The following QRICH2 variants were observed in gnomAD, a reference collection of about 807,000 sequenced individuals.
QRICH2 encodes the protein glutamine rich 2.
A neutral mutation model predicts 168.3 loss-of-function variants in QRICH2; 119 were observed. The ratio of observed to expected loss-of-function variants is 0.71; its 90% CI spans 0.61 to 0.82. The LOEUF is 0.82. Ranked by LOEUF, QRICH2 falls within the 40% of genes least tolerant of loss-of-function variation. The pLI, the probability that QRICH2 is intolerant of heterozygous loss-of-function variation, is 0.00. For missense variants in QRICH2, 2,241 were observed against 2,491.6 expected, an observed-to-expected ratio of 0.90 and a Z score of 2.14; for synonymous variants, 894 against 951.2, an observed-to-expected ratio of 0.94 and a Z score of 1.11.
Position 76,307,412 on chromosome 17 carries a change from G to GGGCGGCCTGGAGGAGGCA in QRICH2, c.534+35_534+52dup. The GGGCGGCCTGGAGGAGGCA allele has an allele frequency of 3.1e-6, 5 of 1,592,076 alleles. No homozygotes were observed. In the South Asian group the frequency reaches 4.4e-5, roughly 14 times the overall value. ...TGGTGGGGACTCGGCTAGGCCTGGA[G>GGGCGGCCTGGAGGAGGCA]GGCGGCCTGGAGGAGGCAGACGGCC... is the stretch of plus-strand genomic sequence containing the variant. On this transcript the variant is annotated intron_variant, in intron 1 of 18. Coordinates refer to ENST00000680821, the MANE Select transcript of QRICH2 (RefSeq NM_001388453.1). This position sits in a 1 kb window ranked among gnomAD's most constrained non-coding sequence, Gnocchi z 5.3.
At chr17:76,289,156 C>T (rs1195918343) in intron 5 of QRICH2, among the ~76,000 whole-genome samples, 1 of 151,668 alleles carries the variant, frequency 6.6e-6, no homozygotes, top group Non-Finnish European at 1.5e-5. Flanking sequence ...TTATTTGGCT[C>T]AGCTGAATCA....
Position 76,292,007 on chromosome 17 carries a change from C to T in QRICH2, c.2720G>A (p.Gly907Asp), listed in dbSNP as rs73352309. The T allele has an allele frequency of 6.7e-4, 1,082 of 1,614,142 alleles. 7 individuals are homozygous for T. The African/African-American group carries it at 0.013, about 19-fold the overall frequency. The change falls in exon 4 of 19, where the codon GGT becomes GAT. Residue 907 changes from glycine to aspartate, a missense_variant. Gly to Asp is a moderately conservative substitution (Grantham distance 94, BLOSUM62 -1). Around this residue, in one of 3 missense-constraint regions of QRICH2, gnomAD observed 2,047 missense variants for 2,303.8 expected, o/e 0.89. Coordinates refer to ENST00000680821, the MANE Select transcript of QRICH2 (RefSeq NM_001388453.1). ...DQPGLVQPGA[G>D]QLGMVQPGIG... ...TCCAGGCTGCACCATACCCAGCTGA[C>T]CTGCACCAGGCTGGACCAAACCAGG...
At chr17:76,283,181 G>A (rs997846536) in intron 7 of QRICH2, among the ~76,000 whole-genome samples, 8 of 152,200 alleles carry the variant, frequency 5.3e-5, no homozygotes, top group African/African-American at 1.4e-4. Context: ...CGAGGGCCCC[G>A]GATGCAGAAG....
Position 76,307,485 on chromosome 17 carries a change from C to G in QRICH2, c.514G>C (p.Glu172Gln). 6.2e-7 allele frequency: 1 copy of G among 1,613,800 alleles called. No homozygotes were observed. The highest frequency in any genetic ancestry group is 8.5e-7 in the Non-Finnish European group (1 of 1,179,836). ...RTGSIMKDAA[E>Q]ELSFARVLLQ... ...CTCACCCTGGCAAAGCTGAGCTCCT[C>G]GGCGGCGTCCTTCATGATACTCCCA... The change falls in exon 1 of 19, where the codon GAG (glutamate) becomes CAG (glutamine). Residue 172 changes from glutamate to glutamine, a missense_variant. Physicochemically the swap from Glu to Gln is conservative, Grantham distance 29. Transcript: ENST00000680821. This position sits in a 1 kb window ranked among gnomAD's most constrained non-coding sequence, Gnocchi z 5.3.
intron 3 of QRICH2, among the ~76,000 whole-genome samples, chr17:76,298,032 G>A (rs1034823338): frequency 6.7e-6 from 1 of 148,678 alleles, no homozygotes; most frequent in African/African-American, 2.6e-5. Context: ...ACCATGCCCG[G>A]CTAATTTTTT....
Position 76,279,144 on chromosome 17 carries a change from T to C in QRICH2, c.4815-2A>G. 1 of 1,610,234 alleles carries C rather than the reference T, an allele frequency of 6.2e-7. No homozygotes were observed. The highest frequency in any genetic ancestry group is 1.1e-5 in the South Asian group (1 of 90,736). On this transcript the variant is annotated splice_acceptor_variant, in intron 13 of 18. Coordinates refer to ENST00000680821, the MANE Select transcript of QRICH2 (RefSeq NM_001388453.1). LOFTEE classifies it high-confidence loss of function. ...CCCGCGGGGGTCACGGGGATGGCACTGGGCAGGGACAGAGGGAGAAGGGGC... is the reference window on the plus strand; with the variant it reads ...CCCGCGGGGGTCACGGGGATGGCACCGGGCAGGGACAGAGGGAGAAGGGGC...
chr17:76,297,598 G>C (rs1268803278), intron 3 of QRICH2, among the ~76,000 whole-genome samples: 2 of 152,136 alleles, frequency 1.3e-5, no homozygotes, highest in Non-Finnish European at 2.9e-5. Context: ...GGCATACAAA[G>C]AGGCAGGAAG....
In QRICH2 at chr17:76,274,193, G is replaced by A; in HGVS notation, c.5550C>T (p.His1850=). 5 of 1,593,580 alleles carry A rather than the reference G, an allele frequency of 3.1e-6. No homozygotes were observed. Among genetic ancestry groups the A allele is most frequent in the Non-Finnish European group, 4.3e-6 (5 of 1,173,302 alleles). ...TTGCCACCGCGGCGGAGCTGGGCGGGTGGGCTGTGTTCGGCTGGGAGAGAC... is the reference window on the plus strand; with the variant it reads ...TTGCCACCGCGGCGGAGCTGGGCGGATGGGCTGTGTTCGGCTGGGAGAGAC... ...EGRLSQPNTA[H]PPSSAAVANR... The change falls in exon 19 of 19, where the codon CAC becomes CAT. Residue 1850 remains histidine (H), a synonymous_variant. Transcript: ENST00000680821.
Position 76,274,077 on chromosome 17 carries a change from G to A in QRICH2, c.*2C>T, listed in dbSNP as rs779146984. 19 of 1,541,732 alleles carry A rather than the reference G, an allele frequency of 1.2e-5. No homozygotes were observed. The highest frequency in any genetic ancestry group is 1.7e-4 in the Middle Eastern group (1 of 5,910). ...CTCCTGAATGTTTATTTACACCTCC[G>A]CTCACTGAGCGGTGCTGGACCGCGG... On this transcript the variant is annotated 3_prime_UTR_variant, in exon 19 of 19. Coordinates refer to ENST00000680821, the MANE Select transcript of QRICH2 (RefSeq NM_001388453.1).
rs779582899 is a variant in QRICH2, at chr17:76,280,962, G to A, written c.4264-9C>T. The A allele has an allele frequency of 6.2e-7, 1 of 1,606,732 alleles. No individual in the cohort carries two copies. Among genetic ancestry groups the A allele is most frequent in the Admixed American group, 1.7e-5 (1 of 60,008 alleles). Reference sequence around the variant, plus strand: ...CCCAGCAGCTCCTCGTCCTGCGGCAGGAGGGATGGGAAGGCTCTCGGAGGC... The same window carrying A: ...CCCAGCAGCTCCTCGTCCTGCGGCAAGAGGGATGGGAAGGCTCTCGGAGGC... On this transcript the variant is annotated splice_polypyrimidine_tract_variant and intron_variant, in intron 8 of 18. Coordinates refer to ENST00000680821, the MANE Select transcript of QRICH2 (RefSeq NM_001388453.1). The surrounding 1 kb of genome is among the most constrained non-coding windows in gnomAD (Gnocchi z 7.4).
chr17:76,277,278 G>C lies in QRICH2; in HGVS notation c.5150C>G (p.Thr1717Ser). ...VTDMADYTYSTVPRRCGGSHT... is the reference protein window; with the variant it reads ...VTDMADYTYSSVPRRCGGSHT... ...GCTGCCCCCGCAGCGCCGGGGCACA[G>C]TTGAGTAGGTGTAATCAGCCATATC... The change falls in exon 16 of 19, where the codon ACT becomes AGT. Residue 1717 changes from threonine (T) to serine (S), a missense_variant. Physicochemically the swap from Thr to Ser is moderately conservative, Grantham distance 58 (BLOSUM62 1). Coordinates refer to ENST00000680821, the MANE Select transcript of QRICH2 (RefSeq NM_001388453.1). The C allele has an allele frequency of 6.2e-7, 1 of 1,607,180 alleles. No individual in the cohort carries two copies. The highest frequency in any genetic ancestry group is 8.5e-7 in the Non-Finnish European group (1 of 1,178,094).
chr17:76,280,316 C>T lies in QRICH2; in HGVS notation c.4597G>A (p.Asp1533Asn). Residue 1533 changes from aspartate to asparagine, a missense_variant, in exon 11 of 19, where the codon GAC becomes AAC. By Grantham distance (23) the Asp-to-Asn change is conservative (BLOSUM62 1). Transcript: ENST00000680821. This position sits in a 1 kb window ranked among gnomAD's most constrained non-coding sequence, Gnocchi z 7.4. ...GQEQDWQKML[D>N]RLLTEMDNKL... Reference sequence around the variant, plus strand: ...TTGTCCATCTCTGTGAGCAGCCTGTCCAGCATCTTCTGCCAGTCCTGCTCC... The same window carrying T: ...TTGTCCATCTCTGTGAGCAGCCTGTTCAGCATCTTCTGCCAGTCCTGCTCC... The T allele has an allele frequency of 1.2e-6, 2 of 1,614,190 alleles. No individual in the cohort carries two copies. Among genetic ancestry groups the T allele is most frequent in the Non-Finnish European group, 1.7e-6 (2 of 1,180,020 alleles).
In QRICH2 at chr17:76,290,612, C is replaced by T. The variant is rs117025509; in HGVS notation, c.3712+403G>A. On this transcript the variant is annotated intron_variant, in intron 4 of 18. Transcript: ENST00000680821. Reference sequence around the variant, plus strand: ...ACATTGCCTAGGCTGGTCTCGAACTCGGCCTCAAGCTATCCACCCAGCTCT... The same window carrying T: ...ACATTGCCTAGGCTGGTCTCGAACTTGGCCTCAAGCTATCCACCCAGCTCT... 5.9e-3 allele frequency among the ~76,000 whole-genome samples: 898 copies of T among 152,132 alleles called. 7 individuals carry two copies. The highest frequency in any genetic ancestry group is 8.7e-3 in the Non-Finnish European group (589 of 68,000).
intron 4 of QRICH2, 43 bp from the exon 5 acceptor site, chr17:76,290,120 T>C: frequency 7.0e-7 from 1 of 1,426,094 alleles, no homozygotes; most frequent in East Asian, 2.3e-5. Context: ...GTTAGATCTC[T>C]AGTGGGCTCC....
Position 76,307,443 on chromosome 17 carries a change from G to A in QRICH2, c.534+22C>T, listed in dbSNP as rs372788302. The A allele has an allele frequency of 2.5e-6, 4 of 1,612,068 alleles. No individual in the cohort carries two copies. Among genetic ancestry groups the A allele is most frequent in the Middle Eastern group, 1.6e-4 (1 of 6,076 alleles). On this transcript the variant is annotated intron_variant, in intron 1 of 18. Coordinates refer to ENST00000680821, the MANE Select transcript of QRICH2 (RefSeq NM_001388453.1). The surrounding 1 kb of genome is among the most constrained non-coding windows in gnomAD (Gnocchi z 5.3). Reference sequence around the variant, plus strand: ...CCTGGAGGAGGCAGACGGCCTGCGCGTGCCTCCGTGTGCGTGCTCACCCTG... The same window carrying A: ...CCTGGAGGAGGCAGACGGCCTGCGCATGCCTCCGTGTGCGTGCTCACCCTG...
At position 76,277,413 on chromosome 17, in the gene QRICH2, T is replaced by C. The variant is rs535273346; in HGVS notation, c.5118-103A>G. 2.2e-6 allele frequency: 3 copies of C among 1,368,616 alleles called. No individual in the cohort carries two copies. In the South Asian group the frequency reaches 3.9e-5, roughly 18 times the overall value. 84.8% of individuals were successfully genotyped at this position (1,368,616 alleles called of 1,614,324 possible). A position where few individuals can be genotyped will look rare whatever the true frequency, so the allele number is the denominator to read the frequency against. On this transcript the variant is annotated intron_variant, in intron 15 of 18. Coordinates refer to ENST00000680821, the MANE Select transcript of QRICH2 (RefSeq NM_001388453.1). ...GACCAGAGGGAAGGGGCACAGCTTC[T>C]CTTCGGGGGCTGCCGGGAGGCTGAG...
chr17:76,283,457 G>A (rs1339713768), intron 7 of QRICH2, among the ~76,000 whole-genome samples: 1 of 152,232 alleles, frequency 6.6e-6, no homozygotes, highest in Admixed American at 6.5e-5. Context: ...AGCCAGACAT[G>A]AGCTTGGACT....
chr17:76,307,060 A>G lies in QRICH2; in HGVS notation c.534+405T>C, dbSNP rs75929989. On this transcript the variant is annotated intron_variant, in intron 1 of 18. Transcript: ENST00000680821. The surrounding 1 kb of genome is among the most constrained non-coding windows in gnomAD (Gnocchi z 5.3). ...TTTAAAAAGGGAATTCACTCTAAGA[A>G]TCTTCTGAGAAGTTGCCGGCCCCAC... Among the ~76,000 whole-genome samples the G allele has an allele frequency of 1.3e-3, 203 of 152,034 alleles. 1 individual carries two copies. The highest frequency in any genetic ancestry group is 1.5e-3 in the East Asian group (8 of 5,174).
At chr17:76,290,909 T>C in intron 4 of QRICH2, 106 bp downstream of exon 4, 1 of 1,505,030 alleles carries the variant, frequency 6.6e-7, no homozygotes, top group South Asian at 1.3e-5. Flanking sequence ...TTTCAGGGAC[T>C]CAGGGAGATG....
Sources: allele counts gnomAD v4.1 joint callset (sites outside exome capture counted in the v4.1 genomes callset), GRCh38; gene constraint gnomAD v4.1.1; regional missense constraint gnomAD v4.1.1; non-coding constraint Gnocchi (gnomAD v3.1); transcripts MANE v1.5; gene names NCBI Gene and HGNC (gene_info 2026-07-23, HGNC 2026-07-21).